Variants in SFMBT2 observed in about 807,000 individuals in gnomAD.
SFMBT2 encodes Scm like with four mbt domains 2, also known as scm-like with four MBT domains protein 2.
Under a neutral mutation model 110.1 loss-of-function variants are expected in SFMBT2, and 38 were observed. The ratio of observed to expected loss-of-function variants is 0.35; its 90% confidence interval spans 0.27 to 0.45. SFMBT2 has a LOEUF of 0.45. SFMBT2 is among the 20% of genes least tolerant of loss of function. The probability of loss-of-function intolerance (pLI) is 1.00; values close to 1 mark genes in which losing one functional copy is unlikely to be tolerated. For synonymous variants in SFMBT2, 425 were observed against 425.4 expected (o/e 1.00, Z 0.01); for missense variants, 1,011 against 1,094.9 (o/e 0.92, Z 1.08).
intron 15 of SFMBT2, among the ~76,000 whole-genome samples, chr10:7,192,260 C>A (rs1278849180): frequency 6.6e-6 from 1 of 152,220 alleles, no homozygotes; most frequent in African/African-American, 2.4e-5. Context: ...CGAGGACTGA[C>A]TTCGCTGAGG....
At chr10:7,241,733 C>G (rs1840436176) in intron 9 of SFMBT2, among the ~76,000 whole-genome samples, 1 of 152,124 alleles carries the variant, frequency 6.6e-6, no homozygotes, top group Non-Finnish European at 1.5e-5. Context: ...CATCCATTTT[C>G]CTGGTGAACT....
intron 2 of SFMBT2, among the ~76,000 whole-genome samples, chr10:7,377,653 ATAGGGG>A (rs2132073029): frequency 6.6e-6 from 1 of 152,246 alleles, no homozygotes; most frequent in South Asian, 2.1e-4. Context: ...GCAGTTCACA[ATAGGGG>A]TCACACTCCT....
intron 7 of SFMBT2, among the ~76,000 whole-genome samples, chr10:7,269,569 T>C (rs1841505793): frequency 6.6e-6 from 1 of 152,214 alleles, no homozygotes; most frequent in Non-Finnish European, 1.5e-5. Flanking sequence ...CAATTTTCCA[T>C]AACAACACGC....
At chr10:7,185,971 A>AT (rs1057340951) in intron 16 of SFMBT2, among the ~76,000 whole-genome samples, 1 of 151,844 alleles carries the variant, frequency 6.6e-6, no homozygotes, top group African/African-American at 2.4e-5. Flanking sequence ...ATGAGAAGCC[A>AT]TTTTTTTTCC....
chr10:7,381,998 T>C (rs2254756), intron 1 of SFMBT2, 49 bp from the exon 2 acceptor site: 980,787 of 1,069,744 alleles, frequency 0.92, 450,067 homozygotes, highest in East Asian at 1. Flanking sequence ...ATCATATTGA[T>C]TATATTCACT....
intron 15 of SFMBT2, among the ~76,000 whole-genome samples, chr10:7,196,486 C>G (rs1838770996): frequency 6.6e-6 from 1 of 152,204 alleles, no homozygotes. Flanking sequence ...GCACTCTACT[C>G]CCAGGACACT....
chr10:7,406,684 A>G (rs965011026), intron 1 of SFMBT2, among the ~76,000 whole-genome samples: 2 of 152,234 alleles, frequency 1.3e-5, no homozygotes, highest in Non-Finnish European at 2.9e-5. Context: ...TGTCTGCAAG[A>G]ACGCAGGAAG....
chr10:7,235,110 G>A (rs1412615898), intron 9 of SFMBT2, among the ~76,000 whole-genome samples: 1 of 152,204 alleles, frequency 6.6e-6, no homozygotes, highest in Admixed American at 6.5e-5. Flanking sequence ...CACAGACTGA[G>A]AAATTAATAT....
chr10:7,266,843 T>C (rs1437749214), intron 7 of SFMBT2, among the ~76,000 whole-genome samples: 3 of 152,042 alleles, frequency 2.0e-5, no homozygotes, highest in Non-Finnish European at 4.4e-5. Flanking sequence ...AATTTCCTGA[T>C]GGGTGGAATG....
chr10:7,315,092 GA>G (rs1341164278), intron 4 of SFMBT2, among the ~76,000 whole-genome samples: 1 of 145,236 alleles, frequency 6.9e-6, no homozygotes, highest in Non-Finnish European at 1.6e-5. Context: ...AAGAAAGAAA[GA>G]AAGAAAGAAA....
At chr10:7,225,536 T>C (rs1839874626) in intron 10 of SFMBT2, among the ~76,000 whole-genome samples, 4 of 152,106 alleles carry the variant, frequency 2.6e-5, no homozygotes, top group Admixed American at 2.6e-4. Context: ...AACAAAGACA[T>C]TCCTCCTGAA....
intron 17 of SFMBT2, among the ~76,000 whole-genome samples, chr10:7,173,762 T>G (rs1371210238): frequency 6.6e-6 from 1 of 152,168 alleles, no homozygotes; most frequent in Non-Finnish European, 1.5e-5. Context: ...ACAAAATAAC[T>G]GAATGCAGCC....
At chr10:7,287,326 G>A (rs1214140105) in intron 4 of SFMBT2, 2 of 187,260 alleles carry the variant, frequency 1.1e-5, no homozygotes, top group African/African-American at 2.4e-5. Context: ...TGATCCACCC[G>A]CCTCGGCCTC....
At chr10:7,206,359 A>G (rs2131613804) in intron 11 of SFMBT2, 2 of 985,460 alleles carry the variant, frequency 2.0e-6, no homozygotes, top group Non-Finnish European at 1.2e-6. Context: ...CTAAGCCTTC[A>G]TGATATGCTC....
intron 7 of SFMBT2, among the ~76,000 whole-genome samples, chr10:7,275,366 G>C: frequency 6.6e-6 from 1 of 152,178 alleles, no homozygotes; most frequent in East Asian, 1.9e-4. Flanking sequence ...CAGGGGAGAC[G>C]AGGACAGGCT....
chr10:7,343,715 T>C (rs1477148264), intron 4 of SFMBT2, among the ~76,000 whole-genome samples: 1 of 152,232 alleles, frequency 6.6e-6, no homozygotes, highest in Non-Finnish European at 1.5e-5. Context: ...TTCATGTCCT[T>C]TGCCCATTTT....
intron 4 of SFMBT2, among the ~76,000 whole-genome samples, chr10:7,363,191 G>A (rs1844779379): frequency 1.3e-5 from 2 of 152,154 alleles, no homozygotes; most frequent in African/African-American, 4.8e-5. Flanking sequence ...AGGATAGTAA[G>A]TCTCAAGAGA....
intron 4 of SFMBT2, among the ~76,000 whole-genome samples, chr10:7,353,861 G>A (rs777376961): frequency 5.9e-5 from 9 of 152,084 alleles, no homozygotes; most frequent in African/African-American, 1.7e-4. Context: ...CGAGGTAGGC[G>A]GATCACCTGA....
intron 4 of SFMBT2, among the ~76,000 whole-genome samples, chr10:7,355,626 G>T (rs1844481048): frequency 6.6e-6 from 1 of 152,116 alleles, no homozygotes; most frequent in African/African-American, 2.4e-5. Flanking sequence ...GCCTGGCTAA[G>T]ATAGTGAAAC....
Sources: allele counts gnomAD v4.1 joint callset (sites outside exome capture counted in the v4.1 genomes callset), GRCh38; gene constraint gnomAD v4.1.1; transcripts MANE v1.5; gene names NCBI Gene and HGNC (gene_info 2026-07-23, HGNC 2026-07-21).